TNNI3: variants seen among roughly 807,000 people sequenced by gnomAD.
TNNI3 encodes troponin I3, cardiac type.
TNNI3 carries 23 observed loss-of-function variants against 31.5 expected under a neutral mutation model. The observed-to-expected ratio is 0.73, with a 90% CI of 0.52 to 1.03. The LOEUF (loss-of-function observed/expected upper bound fraction) is 1.03. TNNI3 is among the 50% of genes least tolerant of loss of function. The pLI is 0.00. For synonymous variants in TNNI3, 120 were observed against 111.7 expected, an observed-to-expected ratio of 1.07 and a Z score of -0.47; for missense variants, 236 against 282.9, an observed-to-expected ratio of 0.83 and a Z score of 1.19.
At position 55,154,213 on chromosome 19, in the gene TNNI3, G is replaced by A. The variant is rs757938399; in HGVS notation, c.373-7C>T. ...TCTGAGTCAGATCTGCAATCTGGGG[G>A]CACACGAGGGGGTGGGTACTTCTCC... On this transcript the variant is annotated splice_region_variant and splice_polypyrimidine_tract_variant and intron_variant, in intron 6 of 7. Transcript: ENST00000344887. 3 of 1,610,364 alleles carry A rather than the reference G, an allele frequency of 1.9e-6. No homozygotes were observed. The highest frequency in any genetic ancestry group is 1.3e-5 in the African/African-American group (1 of 74,806).
In TNNI3 at chr19:55,154,951, C is replaced by T. The variant is rs1444112080; in HGVS notation, c.283-121G>A. On this transcript the variant is annotated intron_variant, in intron 5 of 7. Coordinates refer to ENST00000344887, the MANE Select transcript of TNNI3 (RefSeq NM_000363.5). ...CCTGGGTCTGAGGGAGGAGAAGGGGCTGGGGGCCTGGACTCCTGGGTCTGA... is the reference window on the plus strand; with the variant it reads ...CCTGGGTCTGAGGGAGGAGAAGGGGTTGGGGGCCTGGACTCCTGGGTCTGA... 19 of 695,622 alleles carry T rather than the reference C, an allele frequency of 2.7e-5. No homozygotes were observed. In the African/African-American group the frequency reaches 4.0e-4, roughly 14 times the overall value. The allele number at this position is 695,622 out of a possible 1,614,324, so 43.1% of individuals were successfully genotyped here.
intron 7 of TNNI3, among the ~76,000 whole-genome samples, chr19:55,153,582 C>T (rs2085706496): frequency 6.6e-6 from 1 of 151,518 alleles, no homozygotes; most frequent in Non-Finnish European, 1.5e-5. Context: ...GTGGTGTGCA[C>T]CTGTAGTCCC....
In TNNI3 at chr19:55,157,084, T is replaced by C. The variant is rs1555864368; in HGVS notation, c.74A>G (p.Asn25Ser). 1 of 1,602,118 alleles carries C rather than the reference T, an allele frequency of 6.2e-7. No homozygotes were observed. Residue 25 changes from asparagine to serine, a missense_variant, in exon 3 of 8, where the codon AAC (asparagine) becomes AGC (serine). Around this residue, in one of 4 missense-constraint regions of TNNI3, gnomAD observed 172 missense variants for 171.8 expected, o/e 1.00. Transcript: ENST00000344887. The surrounding 1 kb of genome is among the most constrained non-coding windows in gnomAD (Gnocchi z 6.3). ...APAPIRRRSS[N>S]YRAYATEPHA... ...CGGCTCCGTGGCATAAGCGCGGTAGTTGGAGGAGCGGCGTCTGATTGGGGC... is the reference window on the plus strand; with the variant it reads ...CGGCTCCGTGGCATAAGCGCGGTAGCTGGAGGAGCGGCGTCTGATTGGGGC...
chr19:55,156,078 C>A lies in TNNI3; in HGVS notation c.282+123G>T. On this transcript the variant is annotated intron_variant, in intron 5 of 7. Transcript: ENST00000344887. This position sits in a 1 kb window ranked among gnomAD's most constrained non-coding sequence, Gnocchi z 4.6. Reference sequence around the variant, plus strand: ...AGGGTGTTAGGGGCCAGGAGTCCCACGAACCATATATAATTGGGTAAGGAC... The same window carrying A: ...AGGGTGTTAGGGGCCAGGAGTCCCAAGAACCATATATAATTGGGTAAGGAC... 4 of 1,472,068 alleles carry A rather than the reference C, an allele frequency of 2.7e-6. No homozygotes were observed. In the East Asian group the frequency reaches 6.9e-5, roughly 25 times the overall value. 91.2% of individuals were successfully genotyped at this position (1,472,068 alleles called of 1,614,324 possible). A position where few individuals can be genotyped will look rare whatever the true frequency, so the allele number is the denominator to read the frequency against.
chr19:55,152,904 A>G lies in TNNI3; in HGVS notation c.550-987T>C, dbSNP rs556468583. Reference sequence around the variant, plus strand: ...AACCTCTGCCTCCCGGGTTCAAGCAATTCTCCTGCCTCAGCTTCACAAGTA... The same window carrying G: ...AACCTCTGCCTCCCGGGTTCAAGCAGTTCTCCTGCCTCAGCTTCACAAGTA... On this transcript the variant is annotated intron_variant, in intron 7 of 7. Coordinates refer to ENST00000344887, the MANE Select transcript of TNNI3 (RefSeq NM_000363.5). This position sits in a 1 kb window ranked among gnomAD's most constrained non-coding sequence, Gnocchi z 4.0. Among the ~76,000 whole-genome samples, 142 of 152,116 alleles carry G rather than the reference A, an allele frequency of 9.3e-4. No individual in the cohort carries two copies. The highest frequency in any genetic ancestry group is 3.2e-3 in the African/African-American group (133 of 41,480).
In TNNI3 at chr19:55,154,765, T is replaced by C. The variant is rs2085716349; in HGVS notation, c.348A>G (p.Ala116=). 1 of 1,614,114 alleles carries C rather than the reference T, an allele frequency of 6.2e-7. No homozygotes were observed. Among genetic ancestry groups the C allele is most frequent in the Non-Finnish European group, 8.5e-7 (1 of 1,180,042 alleles). ...KVDEERYDIE[A]KVTKNITEIA... Reference sequence around the variant, plus strand: ...CCTCCGTGATGTTCTTGGTGACTTTTGCCTCTATGTCGTATCTCTCTTCAT... The same window carrying C: ...CCTCCGTGATGTTCTTGGTGACTTTCGCCTCTATGTCGTATCTCTCTTCAT... The change falls in exon 6 of 8, where the codon GCA becomes GCG. Residue 116 remains alanine, a synonymous_variant. Coordinates refer to ENST00000344887, the MANE Select transcript of TNNI3 (RefSeq NM_000363.5).
In TNNI3 at chr19:55,156,514, T is replaced by C. The variant is rs1365050485; in HGVS notation, c.150+89A>G. The C allele has an allele frequency of 1.3e-6, 2 of 1,529,404 alleles. No individual in the cohort carries two copies. Among genetic ancestry groups the C allele is most frequent in the South Asian group, 1.2e-5 (1 of 83,524 alleles). The allele number at this position is 1,529,404 out of a possible 1,614,324, so 94.7% of individuals were successfully genotyped here. ...CCCGAGCGGCCAAACCCCGCCCACT[T>C]CCGCCCACCTACCCCGAAAGCCCCA... On this transcript the variant is annotated intron_variant, in intron 4 of 7. Transcript: ENST00000344887. This position sits in a 1 kb window ranked among gnomAD's most constrained non-coding sequence, Gnocchi z 4.6.
intron 6 of TNNI3, 199 bp downstream of exon 6, chr19:55,154,542 C>T: frequency 1.5e-6 from 1 of 662,600 alleles, no homozygotes. Context: ...CATGGCCTTG[C>T]ATGTGCTGTT....
chr19:55,154,795 C>T lies in TNNI3; in HGVS notation c.318G>A (p.Lys106=), dbSNP rs750350912. 1.7e-5 allele frequency: 28 copies of T among 1,614,098 alleles called. No individual in the cohort carries two copies. In the South Asian group the frequency reaches 3.1e-4, roughly 18 times the overall value. Residue 106 remains lysine (K), a synonymous_variant, in exon 6 of 8, where the codon AAG becomes AAA. Coordinates refer to ENST00000344887, the MANE Select transcript of TNNI3 (RefSeq NM_000363.5). The part of the protein sequence containing the change: ...LCRQLHARVD[K]VDEERYDIEA... Reference sequence around the variant, plus strand: ...CTATGTCGTATCTCTCTTCATCCACCTTGTCCACACGGGCGTGGAGCTGTC... The same window carrying T: ...CTATGTCGTATCTCTCTTCATCCACTTTGTCCACACGGGCGTGGAGCTGTC...
chr19:55,153,085 A>T (rs919407454), intron 7 of TNNI3, among the ~76,000 whole-genome samples: 1 of 152,012 alleles, frequency 6.6e-6, no homozygotes, highest in Non-Finnish European at 1.5e-5. Flanking sequence ...GGCACGAGCC[A>T]CCACACCCGG....
rs1033175543 is a variant in TNNI3, at chr19:55,154,224, G to T, written c.373-18C>A. 9.9e-6 allele frequency: 16 copies of T among 1,608,886 alleles called. No individual in the cohort carries two copies. The highest frequency in any genetic ancestry group is 1.4e-5 in the Non-Finnish European group (16 of 1,179,742). ...TCTGCAATCTGGGGGCACACGAGGG[G>T]GTGGGTACTTCTCCTTCCATTTCCC... On this transcript the variant is annotated intron_variant, in intron 6 of 7. Transcript: ENST00000344887.
In TNNI3 at chr19:55,156,969, C is replaced by T. The variant is rs2147285730; in HGVS notation, c.108+81G>A. The T allele has an allele frequency of 2.7e-6, 4 of 1,454,930 alleles. No homozygotes were observed. In the East Asian group the frequency reaches 7.3e-5, roughly 27 times the overall value. The allele number at this position is 1,454,930 out of a possible 1,614,324, so 90.1% of individuals were successfully genotyped here. ...CTCCGCGTAGTCCCCGCCCCCTTCG[C>T]AGCCCTGGCTCCTCCCCCCACTCCC... is the stretch of plus-strand genomic sequence containing the variant. On this transcript the variant is annotated intron_variant, in intron 3 of 7. Transcript: ENST00000344887. The surrounding 1 kb of genome is among the most constrained non-coding windows in gnomAD (Gnocchi z 4.6).
rs772607683 is a variant in TNNI3 at position 55,156,638 on chromosome 19, A to AT, written c.114dup (p.Ser39IlefsTer2). The AT allele has an allele frequency of 1.7e-5, 26 of 1,564,602 alleles. No homozygotes were observed. Among genetic ancestry groups the AT allele is most frequent in the African/African-American group, 2.7e-5 (2 of 73,580 alleles). On this transcript the variant is annotated frameshift_variant, in exon 4 of 8. Coordinates refer to ENST00000344887, the MANE Select transcript of TNNI3 (RefSeq NM_000363.5). LOFTEE classifies it high-confidence loss of function. This position sits in a 1 kb window ranked among gnomAD's most constrained non-coding sequence, Gnocchi z 4.6. Reference sequence around the variant, plus strand: ...AATTTTCTCGAGGCGGAGATCTTAGATTTTTTCTGCCAGGGTGAGATGGAG... The same window carrying AT: ...AATTTTCTCGAGGCGGAGATCTTAGATTTTTTTCTGCCAGGGTGAGATGGAG...
Position 55,156,819 on chromosome 19 carries a change from T to C in TNNI3, c.109-175A>G, listed in dbSNP as rs1194968566. The C allele has an allele frequency of 1.2e-6, 1 of 864,900 alleles. No individual in the cohort carries two copies. The highest frequency in any genetic ancestry group is 1.5e-5 in the South Asian group (1 of 66,802). The allele number at this position is 864,900 out of a possible 1,614,324, so 53.6% of individuals were successfully genotyped here. On this transcript the variant is annotated intron_variant, in intron 3 of 7. Coordinates refer to ENST00000344887, the MANE Select transcript of TNNI3 (RefSeq NM_000363.5). This position sits in a 1 kb window ranked among gnomAD's most constrained non-coding sequence, Gnocchi z 4.6. The stretch of plus-strand genomic sequence containing the variant: ...CCTCATTCCCATCCACCAATCTGGG[T>C]CTCTTCCTTTGGATAGGCACTTCCC...
Position 55,156,809 on chromosome 19 carries a change from C to G in TNNI3, c.109-165G>C. On this transcript the variant is annotated intron_variant, in intron 3 of 7. Transcript: ENST00000344887. The surrounding 1 kb of genome is among the most constrained non-coding windows in gnomAD (Gnocchi z 4.6). ...AGGCCACGCCCCTCATTCCCATCCA[C>G]CAATCTGGGTCTCTTCCTTTGGATA... 2.3e-6 allele frequency: 2 copies of G among 883,652 alleles called. No homozygotes were observed. Among genetic ancestry groups the G allele is most frequent in the East Asian group, 5.3e-5 (2 of 37,834 alleles). The allele number at this position is 883,652 out of a possible 1,614,324, so 54.7% of individuals were successfully genotyped here.
chr19:55,153,486 T>A (rs545839693), intron 7 of TNNI3, among the ~76,000 whole-genome samples: 2 of 152,200 alleles, frequency 1.3e-5, no homozygotes, highest in South Asian at 2.1e-4. Context: ...GCGATTTTCC[T>A]GCCTCAGCCT....
chr19:55,155,257 C>T (rs1408728612), intron 5 of TNNI3, among the ~76,000 whole-genome samples: 5 of 58,716 alleles, frequency 8.5e-5, no homozygotes, highest in African/African-American at 4.6e-4. Flanking sequence ...GGCCTGGACT[C>T]CAGGGTCTGA....
rs2147285627 is a variant in TNNI3, at chr19:55,156,878, T to C, written c.108+172A>G. On this transcript the variant is annotated intron_variant, in intron 3 of 7. Transcript: ENST00000344887. The surrounding 1 kb of genome is among the most constrained non-coding windows in gnomAD (Gnocchi z 4.6). ...CTAAGCAAGTCCGAGGGCAACGGAGTTCCGCCCGCAGGCTGCTGTCACCAA... is the reference window on the plus strand; with the variant it reads ...CTAAGCAAGTCCGAGGGCAACGGAGCTCCGCCCGCAGGCTGCTGTCACCAA... 2 of 902,374 alleles carry C rather than the reference T, an allele frequency of 2.2e-6. No individual in the cohort carries two copies. Among genetic ancestry groups the C allele is most frequent in the South Asian group, 2.9e-5 (2 of 69,348 alleles). The allele number at this position is 902,374 out of a possible 1,614,324, so 55.9% of individuals were successfully genotyped here.
Position 55,157,373 on chromosome 19 carries a change from C to T in TNNI3, c.12-65G>A, listed in dbSNP as rs1215313182. ...CTGTGTCCTGTCTCCTAAGGGACCCCTGGAGTCCCCTCTGAACAAGAGGTC... is the reference window on the plus strand; with the variant it reads ...CTGTGTCCTGTCTCCTAAGGGACCCTTGGAGTCCCCTCTGAACAAGAGGTC... On this transcript the variant is annotated intron_variant, in intron 1 of 7. Transcript: ENST00000344887. This position sits in a 1 kb window ranked among gnomAD's most constrained non-coding sequence, Gnocchi z 6.3. The T allele has an allele frequency of 6.2e-7, 1 of 1,610,198 alleles. No individual in the cohort carries two copies. The highest frequency in any genetic ancestry group is 8.5e-7 in the Non-Finnish European group (1 of 1,178,252).
Sources: allele counts gnomAD v4.1 joint callset (sites outside exome capture counted in the v4.1 genomes callset), GRCh38; gene constraint gnomAD v4.1.1; regional missense constraint gnomAD v4.1.1; non-coding constraint Gnocchi (gnomAD v3.1); transcripts MANE v1.5; gene names NCBI Gene and HGNC (gene_info 2026-07-23, HGNC 2026-07-21).